BRINP1: variants seen among roughly 807,000 people sequenced by gnomAD.
BRINP1 encodes BMP/retinoic acid-inducible neural-specific protein 1.
BRINP1 carries 17 observed loss-of-function variants against 72.9 expected under a neutral mutation model. That is an observed-to-expected ratio of 0.23 (90% CI 0.16 to 0.35). BRINP1 has a LOEUF of 0.35. Among genes scored for constraint, BRINP1 ranks in the 10% least tolerant of loss-of-function variants. The pLI is 1.00. For synonymous variants in BRINP1, 418 were observed against 378.5 expected (o/e 1.10, Z -1.21); for missense variants, 850 against 1,001.6 (o/e 0.85, Z 2.04).
chr9:119,290,333 A>G (rs893359775), intron 2 of BRINP1, among the ~76,000 whole-genome samples: 9 of 152,208 alleles, frequency 5.9e-5, no homozygotes, highest in African/African-American at 2.2e-4. Flanking sequence ...AGTCTGAAAC[A>G]TGGTAAACAT....
At chr9:119,206,072 T>C (rs1304951371) in intron 7 of BRINP1, among the ~76,000 whole-genome samples, 2 of 152,138 alleles carry the variant, frequency 1.3e-5, no homozygotes, top group African/African-American at 2.4e-5. Flanking sequence ...TAAGTTAACA[T>C]GAGGCCATTT....
chr9:119,249,274 T>A, intron 2 of BRINP1, 124 bp from the exon 3 acceptor site: 1 of 817,930 alleles, frequency 1.2e-6, no homozygotes, highest in Non-Finnish European at 1.9e-6. Flanking sequence ...TTAATATGTG[T>A]CAAGTGATGC....
At position 119,167,498 on chromosome 9, in the gene BRINP1, C is replaced by T; in HGVS notation, c.1872G>A (p.Arg624=). 6.2e-7 allele frequency: 1 copy of T among 1,614,114 alleles called. No homozygotes were observed. The highest frequency in any genetic ancestry group is 8.5e-7 in the Non-Finnish European group (1 of 1,180,010). ...TVHIYLRSRT[R]LPTLLRNETG... The stretch of plus-strand genomic sequence containing the variant: ...TCTCATTTCGCAGTAGGGTAGGTAG[C>T]CGAGTCCGACTACGTAGGTAGATGT... The change falls in exon 8 of 8, where the codon CGG becomes CGA. Residue 624 remains arginine, a synonymous_variant. Coordinates refer to ENST00000265922, the MANE Select transcript of BRINP1 (RefSeq NM_014618.3). This position sits in a 1 kb window ranked among gnomAD's most constrained non-coding sequence, Gnocchi z 4.3.
chr9:119,238,645 G>T lies in BRINP1; in HGVS notation c.685+10C>A. The T allele has an allele frequency of 1.3e-6, 2 of 1,581,170 alleles. No individual in the cohort carries two copies. Among genetic ancestry groups the T allele is most frequent in the Non-Finnish European group, 1.7e-6 (2 of 1,158,006 alleles). ...CCCAACTGACCCCACTTTTTCCACT[G>T]GCTTCCTACCTTGAAGGTGCAGTTT... On this transcript the variant is annotated intron_variant, in intron 5 of 7. Transcript: ENST00000265922.
At chr9:119,262,571 G>A (rs576492490) in intron 2 of BRINP1, among the ~76,000 whole-genome samples, 6 of 151,120 alleles carry the variant, frequency 4.0e-5, no homozygotes, top group African/African-American at 1.2e-4. Flanking sequence ...GCTTGAACCC[G>A]GGAGGCAGAG....
intron 2 of BRINP1, among the ~76,000 whole-genome samples, chr9:119,297,596 T>C (rs1285925019): frequency 6.6e-6 from 1 of 152,222 alleles, no homozygotes; most frequent in Non-Finnish European, 1.5e-5. Context: ...ATATTCTGTA[T>C]CATATCACAC....
chr9:119,195,257 C>T (rs1829724968), intron 7 of BRINP1, among the ~76,000 whole-genome samples: 1 of 151,832 alleles, frequency 6.6e-6, no homozygotes, highest in Non-Finnish European at 1.5e-5. Flanking sequence ...TGAGTATTCA[C>T]TAAATATTTG....
At position 119,305,193 on chromosome 9, in the gene BRINP1, G is replaced by C. The variant is rs3780717; in HGVS notation, c.218+7945C>G. 4.6e-5 allele frequency among the ~76,000 whole-genome samples: 7 copies of C among 152,108 alleles called. No individual in the cohort carries two copies. The East Asian group carries it at 1.3e-3, about 29-fold the overall frequency. The stretch of plus-strand genomic sequence containing the variant: ...GAAGCATCACATGTAGTAAGGTTAA[G>C]TTTTTTTTCATGGATTTTTATTTCA... On this transcript the variant is annotated intron_variant, in intron 2 of 7. Transcript: ENST00000265922.
chr9:119,274,446 A>G (rs1830634541), intron 2 of BRINP1, among the ~76,000 whole-genome samples: 1 of 152,220 alleles, frequency 6.6e-6, no homozygotes, highest in South Asian at 2.1e-4. Context: ...GGTTGAGATT[A>G]CAGAGAACCT....
chr9:119,331,892 G>A (rs551120455), intron 1 of BRINP1, among the ~76,000 whole-genome samples: 6 of 152,302 alleles, frequency 3.9e-5, no homozygotes, highest in African/African-American at 1.4e-4. Flanking sequence ...AATCTCTCTA[G>A]TAAGAAGTGT....
chr9:119,283,105 T>G (rs1830729389), intron 2 of BRINP1: 1 of 984,980 alleles, frequency 1.0e-6, no homozygotes, highest in Non-Finnish European at 1.2e-6. Flanking sequence ...TCACAGAGCT[T>G]GGAGCGTGAA....
chr9:119,302,488 G>T (rs1257576285), intron 2 of BRINP1, among the ~76,000 whole-genome samples: 2 of 148,558 alleles, frequency 1.3e-5, no homozygotes, highest in African/African-American at 2.6e-5. Flanking sequence ...TGGTATTTTT[G>T]GGGGGGCCTA....
rs192037558 is a variant in BRINP1, at chr9:119,247,126, C to A, written c.409+1834G>T. 1.9e-4 allele frequency among the ~76,000 whole-genome samples: 29 copies of A among 152,270 alleles called. No homozygotes were observed. In the East Asian group the frequency reaches 3.5e-3, roughly 18 times the overall value. The stretch of plus-strand genomic sequence containing the variant: ...TGAATTGGTCTCAATGCCTTTTTTA[C>A]CCCCAAGTGAAATGGAGGGGGTGAT... On this transcript the variant is annotated intron_variant, in intron 3 of 7. Transcript: ENST00000265922.
intron 1 of BRINP1, among the ~76,000 whole-genome samples, chr9:119,353,894 C>A (rs1158263065): frequency 8.8e-6 from 1 of 113,546 alleles, no homozygotes; most frequent in Non-Finnish European, 1.6e-5. Flanking sequence ...TGAGACCCTG[C>A]TGTTCCTGGA....
At chr9:119,297,427 GA>G (rs1830892202) in intron 2 of BRINP1, among the ~76,000 whole-genome samples, 1 of 152,130 alleles carries the variant, frequency 6.6e-6, no homozygotes, top group Non-Finnish European at 1.5e-5. Flanking sequence ...GTTCAAATCA[GA>G]GTTGTGTGAC....
At chr9:119,248,817 G>A (rs1830349230) in intron 3 of BRINP1, 143 bp downstream of exon 3, 2 of 667,548 alleles carry the variant, frequency 3.0e-6, no homozygotes, top group Non-Finnish European at 5.0e-6. Context: ...AAGACAATTT[G>A]GCTTACCTGG....
At chr9:119,316,465 G>A (rs1831126203) in intron 1 of BRINP1, among the ~76,000 whole-genome samples, 1 of 152,178 alleles carries the variant, frequency 6.6e-6, no homozygotes, top group African/African-American at 2.4e-5. Flanking sequence ...AGAGAAGTCA[G>A]TGCCTGACTT....
chr9:119,208,730 C>A lies in BRINP1; in HGVS notation c.1134G>T (p.Leu378=), dbSNP rs745705950. The A allele has an allele frequency of 6.2e-7, 1 of 1,612,956 alleles. No individual in the cohort carries two copies. Among genetic ancestry groups the A allele is most frequent in the Non-Finnish European group, 8.5e-7 (1 of 1,180,016 alleles). The change falls in exon 7 of 8, where the codon CTG becomes CTT. Residue 378 remains leucine (L), a synonymous_variant. Coordinates refer to ENST00000265922, the MANE Select transcript of BRINP1 (RefSeq NM_014618.3). ...VRCRHNPNHQ[L]PRERTIQQWL... Reference sequence around the variant, plus strand: ...GTGGCAACACTTACCTCTCTCTAGGCAGCTGGTGGTTGGGATTGTGGCGAC... The same window carrying A: ...GTGGCAACACTTACCTCTCTCTAGGAAGCTGGTGGTTGGGATTGTGGCGAC...
At chr9:119,223,199 T>C (rs28492782) in intron 5 of BRINP1, among the ~76,000 whole-genome samples, 14,866 of 152,104 alleles carry the variant, frequency 0.098, 894 homozygotes, top group African/African-American at 0.17. Flanking sequence ...AAAGCTAGTG[T>C]AAAAATTAAA....
Sources: allele counts gnomAD v4.1 joint callset (sites outside exome capture counted in the v4.1 genomes callset), GRCh38; gene constraint gnomAD v4.1.1; non-coding constraint Gnocchi (gnomAD v3.1); transcripts MANE v1.5; gene names NCBI Gene and HGNC (gene_info 2026-07-23, HGNC 2026-07-21).